ATP5MJ: variants seen among roughly 807,000 people sequenced by gnomAD.
ATP5MJ encodes the protein ATP synthase membrane subunit j.
Under a neutral mutation model 8.3 loss-of-function variants are expected in ATP5MJ, and 4 were observed. The observed-to-expected ratio is 0.48, with a 90% CI of 0.24 to 1.11. The LOEUF (loss-of-function observed/expected upper bound fraction) is 1.11, where lower values mean the gene tolerates loss of function less well. Ranked by LOEUF, ATP5MJ falls within the 50% of genes least tolerant of loss-of-function variation. ATP5MJ has a pLI of 0.18. For synonymous variants in ATP5MJ, 23 were observed against 21.3 expected (o/e 1.08, Z -0.23); for missense variants, 66 against 71.8 (o/e 0.92, Z 0.29).
At chr14:103,918,822 ACCAT>A (rs1436818057) in intron 1 of ATP5MJ, among the ~76,000 whole-genome samples, 2 of 151,596 alleles carry the variant, frequency 1.3e-5, no homozygotes, top group African/African-American at 4.8e-5. Context: ...GGAGATCAAG[ACCAT>A]CCTGGCTAAC....
chr14:103,920,803 A>G, intron 1 of ATP5MJ: 1 of 765,898 alleles, frequency 1.3e-6, no homozygotes, highest in South Asian at 1.5e-5. Flanking sequence ...GCCCAGGCAC[A>G]TTTCCTAGCT....
In ATP5MJ at chr14:103,913,971, C is replaced by T; in HGVS notation, c.138G>A (p.Lys46=). ...YKIRAADKRS[K]ALKASAPAPG... The stretch of plus-strand genomic sequence containing the variant: ...AAGCAAAAATCTTACCTTTCAAAGC[C>T]TTACTTCTTTTATCTAAAATAAAAG... Residue 46 remains lysine, a synonymous_variant, in exon 3 of 4, where the codon AAG becomes AAA. Transcript: ENST00000286953. The T allele has an allele frequency of 6.2e-7, 1 of 1,610,574 alleles. No individual in the cohort carries two copies. The highest frequency in any genetic ancestry group is 8.5e-7 in the Non-Finnish European group (1 of 1,178,530).
chr14:103,914,402 G>T (rs1238106309), intron 2 of ATP5MJ: 5 of 563,418 alleles, frequency 8.9e-6, no homozygotes, highest in East Asian at 8.6e-5. Flanking sequence ...CACATACCAT[G>T]AACCCATACC....
At chr14:103,919,791 G>A (rs1190212338) in intron 1 of ATP5MJ, among the ~76,000 whole-genome samples, 1 of 151,804 alleles carries the variant, frequency 6.6e-6, no homozygotes, top group African/African-American at 2.4e-5. Context: ...TATTTGCCTG[G>A]ACAAGTGACA....
chr14:103,917,548 G>A (rs1011298247), intron 1 of ATP5MJ, among the ~76,000 whole-genome samples: 2 of 152,032 alleles, frequency 1.3e-5, no homozygotes, highest in Non-Finnish European at 2.9e-5. Flanking sequence ...GCCTGGATGG[G>A]ATTCGAGGGC....
chr14:103,919,712 C>T (rs753000163), intron 1 of ATP5MJ, among the ~76,000 whole-genome samples: 83 of 152,200 alleles, frequency 5.5e-4, no homozygotes, highest in Non-Finnish European at 9.0e-4. Flanking sequence ...GTCCCCAGTG[C>T]AACAGGGGCC....
At chr14:103,921,282 G>C in intron 1 of ATP5MJ, 188 bp downstream of exon 1, 1 of 425,384 alleles carries the variant, frequency 2.4e-6, no homozygotes, top group Non-Finnish European at 4.3e-6. Flanking sequence ...CGCAGGCCTA[G>C]GCGATGCTTC....
chr14:103,919,076 G>A (rs1029337617), intron 1 of ATP5MJ, among the ~76,000 whole-genome samples: 4 of 151,944 alleles, frequency 2.6e-5, no homozygotes, highest in Non-Finnish European at 5.9e-5. Context: ...CTAGTGCCTG[G>A]TACGGAATAA....
intron 1 of ATP5MJ, among the ~76,000 whole-genome samples, chr14:103,920,124 C>CGG: frequency 8.2e-6 from 1 of 122,050 alleles, no homozygotes; most frequent in Admixed American, 8.8e-5. Flanking sequence ...CGCGTCCGGC[C>CGG]CCTACTTTTT....
chr14:103,914,921 C>G, intron 2 of ATP5MJ, 145 bp downstream of exon 2: 1 of 964,614 alleles, frequency 1.0e-6, no homozygotes, highest in Non-Finnish European at 1.5e-6. Context: ...GACATGTGCT[C>G]CCTGTATTTT....
At chr14:103,916,752 GA>G (rs1405765727) in intron 1 of ATP5MJ, among the ~76,000 whole-genome samples, 1 of 152,048 alleles carries the variant, frequency 6.6e-6, no homozygotes, top group Admixed American at 6.6e-5. Context: ...TCTCAAAAAA[GA>G]AAGAAAGAAC....
intron 1 of ATP5MJ, among the ~76,000 whole-genome samples, chr14:103,915,416 G>A (rs2087617442): frequency 6.6e-6 from 1 of 151,908 alleles, no homozygotes; most frequent in Non-Finnish European, 1.5e-5. Context: ...GCACAATCTT[G>A]GCTCACTGCA....
chr14:103,916,944 C>A (rs752612888), intron 1 of ATP5MJ, among the ~76,000 whole-genome samples: 3 of 152,092 alleles, frequency 2.0e-5, no homozygotes, highest in Non-Finnish European at 2.9e-5. Flanking sequence ...CAAGCCCAAC[C>A]TAGTCAAAGG....
chr14:103,917,553 G>C (rs986237392), intron 1 of ATP5MJ, among the ~76,000 whole-genome samples: 1 of 151,726 alleles, frequency 6.6e-6, no homozygotes, highest in Non-Finnish European at 1.5e-5. Context: ...GATGGGATTC[G>C]AGGGCAGCTG....
chr14:103,916,417 C>T (rs1035475502), intron 1 of ATP5MJ, among the ~76,000 whole-genome samples: 1 of 152,198 alleles, frequency 6.6e-6, no homozygotes, highest in Non-Finnish European at 1.5e-5. Context: ...GTGACTAGAT[C>T]TAAGCACTTC....
In ATP5MJ at chr14:103,912,903, C is replaced by T. The variant is rs867278586; in HGVS notation, c.149-209G>A. On this transcript the variant is annotated intron_variant, in intron 3 of 3. Transcript: ENST00000286953. ...AATGACAGCAGACAGGCAGTGGTCA[C>T]CCACAGCGCAAAGAGAGAGGCAGGG... The T allele has an allele frequency of 1.8e-4, 104 of 573,560 alleles. 1 individual carries two copies. Among genetic ancestry groups the T allele is most frequent in the Middle Eastern group, 9.5e-4 (2 of 2,110 alleles). 35.5% of individuals were successfully genotyped at this position (573,560 alleles called of 1,614,324 possible). A position where few individuals can be genotyped will look rare whatever the true frequency, so the allele number is the denominator to read the frequency against.
At chr14:103,921,078 G>T in intron 1 of ATP5MJ, 1 of 1,524,806 alleles carries the variant, frequency 6.6e-7, no homozygotes, top group South Asian at 1.2e-5. Flanking sequence ...TGTGGCGCAA[G>T]GAAACTTGAG....
chr14:103,914,294 C>G (rs1234294922), intron 2 of ATP5MJ: 1 of 557,364 alleles, frequency 1.8e-6, no homozygotes, highest in East Asian at 2.9e-5. Context: ...CCACACTGCT[C>G]TGCTCTACTG....
chr14:103,920,129 C>CTTTTTT lies in ATP5MJ; in HGVS notation c.-1+1335_-1+1340dup, dbSNP rs74373978. On this transcript the variant is annotated intron_variant, in intron 1 of 3. Coordinates refer to ENST00000286953, the MANE Select transcript of ATP5MJ (RefSeq NM_004894.3). ...CGTGAACCACCGCGTCCGGCCCCTA[C>CTTTTTT]TTTTTTTTTTTTTTTGAGACAGTCT... 2.4e-3 allele frequency among the ~76,000 whole-genome samples: 295 copies of CTTTTTT among 121,486 alleles called. 3 individuals carry two copies. Among genetic ancestry groups the CTTTTTT allele is most frequent in the Non-Finnish European group, 4.2e-3 (240 of 57,380 alleles). 79.7% of individuals were successfully genotyped at this position (121,486 alleles called of 152,430 possible).
Sources: allele counts gnomAD v4.1 joint callset (sites outside exome capture counted in the v4.1 genomes callset), GRCh38; gene constraint gnomAD v4.1.1; transcripts MANE v1.5; gene names NCBI Gene and HGNC (gene_info 2026-07-23, HGNC 2026-07-21).